The following DMC1 variants were observed in gnomAD, a reference collection of about 807,000 sequenced individuals.
DMC1 encodes the protein meiotic recombination protein DMC1 homolog.
In DMC1, 27 loss-of-function variants were observed where a neutral mutation model predicts 50.1. The observed-to-expected ratio is 0.54, with a 90% CI of 0.40 to 0.74. The LOEUF is 0.74. Among genes scored for constraint, DMC1 ranks in the 30% least tolerant of loss-of-function variants. The pLI is 0.00. For synonymous variants in DMC1, 148 were observed against 136.1 expected (o/e 1.09, Z -0.61); for missense variants, 295 against 420.2 (o/e 0.70, Z 2.60).
downstream of DMC1, among the ~76,000 whole-genome samples, chr22:38,516,817 C>A (rs924690447): frequency 2.6e-5 from 4 of 151,970 alleles, no homozygotes; most frequent in African/African-American, 9.7e-5. Context: ...GTTGAATAAT[C>A]TTTTTCTTTT....
intron 8 of DMC1, among the ~76,000 whole-genome samples, chr22:38,549,195 A>G (rs1385870692): frequency 6.6e-6 from 1 of 152,166 alleles, no homozygotes; most frequent in Non-Finnish European, 1.5e-5. Context: ...TCTAGCCCAT[A>G]TCCTGGAATA....
chr22:38,520,362 ATTTAT>A (rs765107342), intron 13 of DMC1, among the ~76,000 whole-genome samples: 15 of 151,150 alleles, frequency 9.9e-5, no homozygotes, highest in Non-Finnish European at 2.2e-4. Context: ...TCTTTCATTT[ATTTAT>A]TTTAATTTTT....
chr22:38,523,455 T>G (rs922566548), intron 12 of DMC1, among the ~76,000 whole-genome samples: 4 of 152,204 alleles, frequency 2.6e-5, no homozygotes, highest in African/African-American at 9.7e-5. Context: ...AGCTATGAAC[T>G]CCGAGCCTGC....
Position 38,568,516 on chromosome 22 carries a change from GCAAA to G in DMC1, c.-33-231_-33-228del, listed in dbSNP as rs2090605143. 3 of 523,084 alleles carry G rather than the reference GCAAA, an allele frequency of 5.7e-6. No individual in the cohort carries two copies. The South Asian group carries it at 7.3e-5, about 13-fold the overall frequency. 32.4% of individuals were successfully genotyped at this position (523,084 alleles called of 1,614,324 possible). ...CCACATGCACACAGATGCCTGAGGG[GCAAA>G]TTGGGGGGTGCTTATTTAGTTTCTT... On this transcript the variant is annotated intron_variant, in intron 1 of 13. Transcript: ENST00000216024.
the DMC1 span, among the ~76,000 whole-genome samples, chr22:38,513,418 G>A: frequency 6.6e-6 from 1 of 152,188 alleles, no homozygotes; most frequent in African/African-American, 2.4e-5. Flanking sequence ...AATGCAAACT[G>A]TGCAACCAGA....
chr22:38,557,577 G>A (rs903489001), intron 5 of DMC1, among the ~76,000 whole-genome samples: 8 of 152,248 alleles, frequency 5.3e-5, no homozygotes, highest in African/African-American at 1.9e-4. Flanking sequence ...ATGCTGGCCT[G>A]TGCCTGCAGT....
intron 4 of DMC1, among the ~76,000 whole-genome samples, chr22:38,564,604 C>A (rs2090562772): frequency 2.0e-5 from 3 of 152,170 alleles, no homozygotes; most frequent in East Asian, 1.9e-4. Flanking sequence ...AGCCACTGCA[C>A]CTGGCCTGAT....
At chr22:38,557,542 C>A (rs911501817) in intron 5 of DMC1, among the ~76,000 whole-genome samples, 1 of 152,120 alleles carries the variant, frequency 6.6e-6, no homozygotes, top group African/African-American at 2.4e-5. Context: ...CCAGTCTCTA[C>A]AGAAAATACC....
At chr22:38,544,252 C>G (rs1251922725) in intron 8 of DMC1, among the ~76,000 whole-genome samples, 1 of 152,146 alleles carries the variant, frequency 6.6e-6, no homozygotes, top group Non-Finnish European at 1.5e-5. Flanking sequence ...CTAAGGAAAA[C>G]TCAAACTGGA....
At chr22:38,547,044 A>G (rs2090351083) in intron 8 of DMC1, among the ~76,000 whole-genome samples, 2 of 152,210 alleles carry the variant, frequency 1.3e-5, no homozygotes, top group Admixed American at 1.3e-4. Flanking sequence ...AATCTAAATA[A>G]CTGCTGATGT....
chr22:38,509,505 G>A, the DMC1 span, among the ~76,000 whole-genome samples: 1 of 152,184 alleles, frequency 6.6e-6, no homozygotes, highest in East Asian at 1.9e-4. Context: ...GGCGAGCAGA[G>A]GGATGACTTT....
intron 8 of DMC1, among the ~76,000 whole-genome samples, chr22:38,544,040 T>A (rs1476255260): frequency 6.6e-6 from 1 of 152,190 alleles, no homozygotes; most frequent in Admixed American, 6.6e-5. Flanking sequence ...GTCACACCCT[T>A]TTATAGAAGT....
intron 6 of DMC1, among the ~76,000 whole-genome samples, chr22:38,553,785 G>A (rs932702206): frequency 1.3e-5 from 2 of 150,684 alleles, no homozygotes; most frequent in Non-Finnish European, 3.0e-5. Flanking sequence ...ATGGTGAAAT[G>A]CCATCTCTAC....
At chr22:38,536,479 A>G (rs1249568147) in intron 12 of DMC1, among the ~76,000 whole-genome samples, 1 of 152,176 alleles carries the variant, frequency 6.6e-6, no homozygotes, top group African/African-American at 2.4e-5. Context: ...AGAGTCATCA[A>G]TAGTTATGTG....
downstream of DMC1, among the ~76,000 whole-genome samples, chr22:38,514,730 G>A (rs898959724): frequency 3.3e-5 from 5 of 152,058 alleles, no homozygotes; most frequent in East Asian, 1.9e-4. Flanking sequence ...TCCCACCAGC[G>A]CCATGACAGT....
intron 4 of DMC1, among the ~76,000 whole-genome samples, chr22:38,564,224 T>G (rs2090558489): frequency 6.6e-6 from 1 of 152,232 alleles, no homozygotes; most frequent in Non-Finnish European, 1.5e-5. Context: ...TAGTCCCATG[T>G]ACTTCAGAAG....
chr22:38,532,306 T>C (rs1250105614), intron 12 of DMC1, among the ~76,000 whole-genome samples: 2 of 151,778 alleles, frequency 1.3e-5, no homozygotes, highest in Admixed American at 6.6e-5. Flanking sequence ...ATGGACATCA[T>C]TTATTGTCTT....
chr22:38,566,513 C>G, intron 4 of DMC1, 77 bp downstream of exon 4: 10 of 1,521,654 alleles, frequency 6.6e-6, no homozygotes, highest in Non-Finnish European at 9.1e-6. Flanking sequence ...ACAATAATTT[C>G]TAGTTTTCAT....
intron 4 of DMC1, among the ~76,000 whole-genome samples, chr22:38,562,815 A>G (rs1184915644): frequency 1.3e-5 from 2 of 151,854 alleles, no homozygotes; most frequent in African/African-American, 4.9e-5. Flanking sequence ...ACATATACAT[A>G]TATACACACA....
Sources: allele counts gnomAD v4.1 joint callset (sites outside exome capture counted in the v4.1 genomes callset), GRCh38; gene constraint gnomAD v4.1.1; transcripts MANE v1.5; gene names NCBI Gene and HGNC (gene_info 2026-07-23, HGNC 2026-07-21).